Variants in WWC1 observed in about 807,000 individuals in gnomAD.
The protein encoded by WWC1 is WW and C2 domain containing 1.
In WWC1, 55 loss-of-function variants were observed where a neutral mutation model predicts 138.4. That is an observed-to-expected ratio of 0.40 (90% CI 0.32 to 0.50). The LOEUF (loss-of-function observed/expected upper bound fraction) is 0.50, where lower values mean the gene tolerates loss of function less well. Ranked by LOEUF, WWC1 falls within the 20% of genes least tolerant of loss-of-function variation. The probability of loss-of-function intolerance (pLI) is 0.72; values close to 1 mark genes in which losing one functional copy is unlikely to be tolerated. For synonymous variants in WWC1, 524 were observed against 564.9 expected, an observed-to-expected ratio of 0.93 and a Z score of 1.03; for missense variants, 1,226 against 1,420.4, an observed-to-expected ratio of 0.86 and a Z score of 2.20.
chr5:168,337,454 G>A (rs1773585708), intron 1 of WWC1, among the ~76,000 whole-genome samples: 1 of 152,146 alleles, frequency 6.6e-6, no homozygotes, highest in Non-Finnish European at 1.5e-5. Context: ...GCCTCTAAAT[G>A]GCTAGGGGCC....
chr5:168,367,163 T>G (rs1004646178), intron 1 of WWC1, among the ~76,000 whole-genome samples: 6 of 152,052 alleles, frequency 3.9e-5, no homozygotes, highest in Non-Finnish European at 7.4e-5. Flanking sequence ...TTGAATATCC[T>G]TGCACCAACA....
intron 3 of WWC1, 133 bp downstream of exon 3, chr5:168,385,547 T>C (rs1777980870): frequency 1.1e-6 from 1 of 883,970 alleles, no homozygotes. Context: ...CCATCTTGTT[T>C]ACTGCTCTTC....
intron 5 of WWC1, among the ~76,000 whole-genome samples, chr5:168,400,254 T>G (rs2152831856): frequency 6.6e-6 from 1 of 152,284 alleles, no homozygotes; most frequent in African/African-American, 2.4e-5. Flanking sequence ...CATGGGGGTT[T>G]GTTGTACAGG....
chr5:168,381,745 T>G (rs1480337238), intron 2 of WWC1, among the ~76,000 whole-genome samples: 5 of 140,726 alleles, frequency 3.6e-5, no homozygotes, highest in Non-Finnish European at 3.1e-5. Flanking sequence ...GGGGGTGGGG[T>G]GGGGTTCAGG....
At chr5:168,298,279 TCCG>T (rs1769745134) in intron 1 of WWC1, among the ~76,000 whole-genome samples, 1 of 152,118 alleles carries the variant, frequency 6.6e-6, no homozygotes, top group Non-Finnish European at 1.5e-5. Context: ...CCTCAAGTTA[TCCG>T]CCTGCCTCAG....
At chr5:168,322,468 G>T (rs1434729572) in intron 1 of WWC1, among the ~76,000 whole-genome samples, 1 of 152,180 alleles carries the variant, frequency 6.6e-6, no homozygotes, top group Non-Finnish European at 1.5e-5. Flanking sequence ...AACAGGCAAT[G>T]GATAGATTTG....
chr5:168,430,895 G>C (rs1012387090), intron 14 of WWC1, among the ~76,000 whole-genome samples: 1 of 152,202 alleles, frequency 6.6e-6, no homozygotes, highest in Non-Finnish European at 1.5e-5. Context: ...GGGCAGGAAG[G>C]CGGACAAAAC....
At chr5:168,352,586 A>AT (rs554411549) in intron 1 of WWC1, among the ~76,000 whole-genome samples, 2,862 of 142,152 alleles carry the variant, frequency 0.02, 38 homozygotes, top group South Asian at 0.055. Flanking sequence ...TATATATATA[A>AT]TTTTTTTTTT....
intron 11 of WWC1, among the ~76,000 whole-genome samples, chr5:168,426,386 T>C (rs762260146): frequency 6.6e-6 from 1 of 152,100 alleles, no homozygotes; most frequent in Non-Finnish European, 1.5e-5. Flanking sequence ...TCCTGTGAAG[T>C]GACCCCCTCC....
chr5:168,454,259 A>G (rs1201213582), intron 18 of WWC1, among the ~76,000 whole-genome samples, 159 bp downstream of exon 18: 1 of 152,112 alleles, frequency 6.6e-6, no homozygotes, highest in East Asian at 1.9e-4. Context: ...TGGTGATAGT[A>G]AACCAGGAGA....
rs77277536 is a variant in WWC1, at chr5:168,462,069, A to G, written c.2916+1327A>G. ...AAACTACATCTCAAAAAAAAAAAAG[A>G]AAGAAAGAAAAAAGGAGAGAGAAAG... On this transcript the variant is annotated intron_variant, in intron 20 of 22. Transcript: ENST00000265293. Among the ~76,000 whole-genome samples the G allele has an allele frequency of 1.6e-3, 116 of 73,592 alleles. No homozygotes were observed. The Middle Eastern group carries it at 0.048, about 31-fold the overall frequency. 48.3% of individuals were successfully genotyped at this position (73,592 alleles called of 152,430 possible). A position where few individuals can be genotyped will look rare whatever the true frequency, so the allele number is the denominator to read the frequency against.
At chr5:168,323,017 A>T (rs897566781) in intron 1 of WWC1, among the ~76,000 whole-genome samples, 33 of 152,246 alleles carry the variant, frequency 2.2e-4, no homozygotes, top group Admixed American at 2.0e-3. Context: ...AAAGTCAGTC[A>T]ATAGAAACAG....
chr5:168,378,768 A>G (rs1229671782), intron 2 of WWC1, among the ~76,000 whole-genome samples: 3 of 152,216 alleles, frequency 2.0e-5, no homozygotes, highest in Non-Finnish European at 4.4e-5. Context: ...CTTTTGATAC[A>G]TATATCATAG....
At chr5:168,326,601 C>T (rs998297182) in intron 1 of WWC1, among the ~76,000 whole-genome samples, 1 of 150,820 alleles carries the variant, frequency 6.6e-6, no homozygotes, top group African/African-American at 2.4e-5. Flanking sequence ...TACAGTGATG[C>T]GATCTCAGCT....
chr5:168,318,942 A>T (rs946054424), intron 1 of WWC1, among the ~76,000 whole-genome samples: 3 of 152,184 alleles, frequency 2.0e-5, no homozygotes, highest in Non-Finnish European at 4.4e-5. Flanking sequence ...TCCTTTTTAA[A>T]GCTGAATAAT....
rs61730022 is a variant in WWC1, at chr5:168,441,705, G to A, written c.2304G>A (p.Ala768=). ...AGGGAGGCGCCCAGATCAGCCTGGC[G>A]GAGGTCTGCCGGTCTGGGGAGAGGT... The part of the protein sequence containing the change: ...ECLGGAQISL[A]EVCRSGERST... The change falls in exon 16 of 23, where the codon GCG becomes GCA. Residue 768 remains alanine (A), a synonymous_variant. Transcript: ENST00000265293. The A allele has an allele frequency of 9.0e-4, 1,450 of 1,614,100 alleles. 9 individuals are homozygous for A. In the African/African-American group the frequency reaches 0.013, roughly 14 times the overall value.
intron 5 of WWC1, among the ~76,000 whole-genome samples, chr5:168,400,692 T>G (rs1348061053): frequency 6.6e-6 from 1 of 152,174 alleles, no homozygotes; most frequent in African/African-American, 2.4e-5. Context: ...CTCAGGCCTG[T>G]AATCCCAGCA....
At chr5:168,412,707 G>A (rs1780322779) in intron 8 of WWC1, among the ~76,000 whole-genome samples, 1 of 151,780 alleles carries the variant, frequency 6.6e-6, no homozygotes, top group Admixed American at 6.6e-5. Context: ...ACCAACCAAG[G>A]ATCAAAAGTA....
chr5:168,409,769 G>C (rs550127233), intron 7 of WWC1, among the ~76,000 whole-genome samples, 153 bp from the exon 8 acceptor site: 3 of 152,160 alleles, frequency 2.0e-5, no homozygotes, highest in Non-Finnish European at 4.4e-5. Flanking sequence ...TGCTTAACCA[G>C]CTTCCCTGCG....
Sources: gnomAD v4.1 joint callset for allele counts (sites outside exome capture counted in the v4.1 genomes callset) on GRCh38, gnomAD v4.1.1 for gene constraint, MANE v1.5 for transcripts, NCBI Gene and HGNC (gene_info 2026-07-23, HGNC 2026-07-21) for gene names.